The following STK32C variants were observed in gnomAD, a reference collection of about 807,000 sequenced individuals.
The protein encoded by STK32C is serine/threonine kinase 32C.
Under a neutral mutation model 56.5 loss-of-function variants are expected in STK32C, and 31 were observed. The observed-to-expected ratio is 0.55, with a 90% CI of 0.41 to 0.74. The LOEUF (loss-of-function observed/expected upper bound fraction) is 0.74, where lower values mean the gene tolerates loss of function less well. STK32C is among the 30% of genes least tolerant of loss of function. STK32C has a pLI of 0.00. For missense variants in STK32C, 544 were observed against 676.9 expected, an observed-to-expected ratio of 0.80 and a Z score of 2.18; for synonymous variants, 309 against 289.4, an observed-to-expected ratio of 1.07 and a Z score of -0.69.
chr10:132,264,716 AC>A (rs947466869), intron 1 of STK32C, among the ~76,000 whole-genome samples: 12 of 152,168 alleles, frequency 7.9e-5, no homozygotes, highest in African/African-American at 2.9e-4. Context: ...GCACACCCCC[AC>A]AGGGCCTGTC....
At chr10:132,245,148 A>G (rs1464844811) in intron 2 of STK32C, among the ~76,000 whole-genome samples, 2 of 152,194 alleles carry the variant, frequency 1.3e-5, no homozygotes, top group African/African-American at 4.8e-5. Context: ...TCGCTTTAAA[A>G]AGGGCTTATG....
chr10:132,303,313 C>A (rs1177949252), intron 1 of STK32C, among the ~76,000 whole-genome samples: 1 of 152,194 alleles, frequency 6.6e-6, no homozygotes, highest in Non-Finnish European at 1.5e-5. Flanking sequence ...AGTGAAACCA[C>A]AGAAGCGCTA....
At chr10:132,279,701 T>C (rs1327142720) in intron 1 of STK32C, among the ~76,000 whole-genome samples, 1 of 149,900 alleles carries the variant, frequency 6.7e-6, no homozygotes. Context: ...CTCCACTCCG[T>C]GATCACGACA....
chr10:132,259,298 T>C (rs921039876), intron 1 of STK32C, among the ~76,000 whole-genome samples: 5 of 152,256 alleles, frequency 3.3e-5, no homozygotes, highest in Admixed American at 6.5e-5. Flanking sequence ...TCATGTAAGA[T>C]GTAACTCCCT....
rs889306531 is a variant in STK32C at position 132,299,243 on chromosome 10, C to T, written c.262+8329G>A. ...CAGAACTGAGACCCCAGGACAAGAC[C>T]CAGCAGCACAGACAGCTAATCCACC... On this transcript the variant is annotated intron_variant, in intron 1 of 11. Transcript: ENST00000298630. 1.7e-4 allele frequency among the ~76,000 whole-genome samples: 26 copies of T among 149,762 alleles called. 1 individual carries two copies. Among genetic ancestry groups the T allele is most frequent in the African/African-American group, 5.9e-4 (23 of 39,308 alleles).
intron 1 of STK32C, among the ~76,000 whole-genome samples, chr10:132,253,827 T>C (rs1277970804): frequency 6.6e-6 from 1 of 152,236 alleles, no homozygotes; most frequent in African/African-American, 2.4e-5. Flanking sequence ...TTCAACACTT[T>C]TCCCCAAGAA....
intron 2 of STK32C, among the ~76,000 whole-genome samples, chr10:132,241,043 G>A (rs1471144625): frequency 3.3e-5 from 5 of 152,208 alleles, no homozygotes; most frequent in African/African-American, 4.8e-5. Context: ...AGAAGTCAAC[G>A]GGAACACACG....
rs555016975 is a variant in STK32C at position 132,258,895 on chromosome 10, C to T, written c.263-12940G>A. ...ATGAAGGTCTCCGCCCGTGGGCAGA[C>T]GGGGGTTGAGGATGACCAGTTCATC... is the stretch of plus-strand genomic sequence containing the variant. On this transcript the variant is annotated intron_variant, in intron 1 of 11. Transcript: ENST00000298630. Among the ~76,000 whole-genome samples the T allele has an allele frequency of 1.6e-4, 24 of 152,348 alleles. No individual in the cohort carries two copies. The South Asian group carries it at 2.9e-3, about 18-fold the overall frequency.
chr10:132,280,651 A>ATGATCCCCACACTCCACTCCG (rs2065163510), intron 1 of STK32C, among the ~76,000 whole-genome samples: 1 of 118,212 alleles, frequency 8.5e-6, no homozygotes, highest in Admixed American at 8.4e-5. Flanking sequence ...ACTCCACTCC[A>ATGATCCCCACACTCCACTCCG]TGATCACCAC....
intron 1 of STK32C, among the ~76,000 whole-genome samples, chr10:132,262,698 G>C (rs1286228751): frequency 6.9e-6 from 1 of 145,344 alleles, no homozygotes; most frequent in Non-Finnish European, 1.5e-5. Context: ...GGATCACGAG[G>C]TCAGGAGATC....
chr10:132,235,779 T>A (rs931008863), intron 2 of STK32C, among the ~76,000 whole-genome samples: 3 of 151,970 alleles, frequency 2.0e-5, no homozygotes, highest in African/African-American at 7.3e-5. Flanking sequence ...AGAGAAACCA[T>A]CAGAAGACAT....
intron 2 of STK32C, among the ~76,000 whole-genome samples, chr10:132,230,163 G>C (rs964446707): frequency 1.3e-5 from 2 of 152,192 alleles, no homozygotes; most frequent in Non-Finnish European, 2.9e-5. Context: ...GGCGGGGCGG[G>C]ATTTCTCCTG....
At chr10:132,211,521 TG>T (rs1345508425) in intron 10 of STK32C, among the ~76,000 whole-genome samples, 1 of 152,250 alleles carries the variant, frequency 6.6e-6, no homozygotes, top group Non-Finnish European at 1.5e-5. Context: ...CAAGCCGGGC[TG>T]TGTCACCTAG....
At chr10:132,298,891 G>A (rs775656666) in intron 1 of STK32C, among the ~76,000 whole-genome samples, 8 of 152,186 alleles carry the variant, frequency 5.3e-5, no homozygotes, top group Non-Finnish European at 1.2e-4. Context: ...GAGACACCAA[G>A]AGGATGCACC....
Position 132,307,624 on chromosome 10 carries a change from C to A in STK32C, c.210G>T (p.Ser70=), listed in dbSNP as rs979123387. The A allele has an allele frequency of 1.3e-6, 2 of 1,557,920 alleles. No homozygotes were observed. Among genetic ancestry groups the A allele is most frequent in the Non-Finnish European group, 1.7e-6 (2 of 1,155,652 alleles). Reference sequence around the variant, plus strand: ...TCCGCGCGGTGGCCGCCGACATGGACGAGCCCATCCTCTTCTTCCACTTGC... The same window carrying A: ...TCCGCGCGGTGGCCGCCGACATGGAAGAGCCCATCCTCTTCTTCCACTTGC... The part of the protein sequence containing the change: ...QWSKWKKRMG[S]SMSAATARRP... The change falls in exon 1 of 12, where the codon TCG becomes TCT. Residue 70 remains serine (S), a synonymous_variant. Transcript: ENST00000298630. This position sits in a 1 kb window ranked among gnomAD's most constrained non-coding sequence, Gnocchi z 4.4.
Position 132,222,628 on chromosome 10 carries a change from C to T in STK32C, c.1251+13G>A. Reference sequence around the variant, plus strand: ...AGCCCGCCGCCGCGCCCTGAGCCTGCCCTGGCACTCACGGACTGGGAGCTG... The same window carrying T: ...AGCCCGCCGCCGCGCCCTGAGCCTGTCCTGGCACTCACGGACTGGGAGCTG... On this transcript the variant is annotated intron_variant, in intron 10 of 11. Transcript: ENST00000298630. 1 of 1,611,348 alleles carries T rather than the reference C, an allele frequency of 6.2e-7. No individual in the cohort carries two copies. The highest frequency in any genetic ancestry group is 1.3e-5 in the African/African-American group (1 of 75,036).
At position 132,226,898 on chromosome 10, in the gene STK32C, G is replaced by A. The variant is rs2062911616; in HGVS notation, c.541C>T (p.His181Tyr). ...GAGAACTGCACGTTCTGCTGCAGGT[G>A]GTAGCGCAGGTCCCCGCCCAGTAGC... ...DLLLGGDLRY[H>Y]LQQNVQFSED... Residue 181 changes from histidine (H) to tyrosine (Y), a missense_variant, in exon 4 of 12, where the codon CAC becomes TAC. Transcript: ENST00000298630. 2 of 1,613,358 alleles carry A rather than the reference G, an allele frequency of 1.2e-6. No individual in the cohort carries two copies. Among genetic ancestry groups the A allele is most frequent in the African/African-American group, 2.7e-5 (2 of 74,950 alleles).
At chr10:132,296,382 G>T (rs7099822) in intron 1 of STK32C, among the ~76,000 whole-genome samples, 2 of 151,714 alleles carry the variant, frequency 1.3e-5, no homozygotes, top group Non-Finnish European at 2.9e-5. Context: ...AACGAGGTAT[G>T]GATACGGGTC....
chr10:132,214,707 T>C (rs1428726898), intron 10 of STK32C, among the ~76,000 whole-genome samples: 1 of 152,202 alleles, frequency 6.6e-6, no homozygotes, highest in Non-Finnish European at 1.5e-5. Context: ...ATAAATGAAA[T>C]GAATGACAGC....
Sources: allele counts gnomAD v4.1 joint callset (sites outside exome capture counted in the v4.1 genomes callset), GRCh38; gene constraint gnomAD v4.1.1; non-coding constraint Gnocchi (gnomAD v3.1); transcripts MANE v1.5; gene names NCBI Gene and HGNC (gene_info 2026-07-23, HGNC 2026-07-21).